HDAC9: variants seen among roughly 807,000 people sequenced by gnomAD.
The protein encoded by HDAC9 is histone deacetylase 9.
HDAC9 carries 41 observed loss-of-function variants against 139.4 expected under a neutral mutation model. That is an observed-to-expected ratio of 0.29 (90% CI 0.23 to 0.38). The LOEUF (loss-of-function observed/expected upper bound fraction) is 0.38. Ranked by LOEUF, HDAC9 falls within the 10% of genes least tolerant of loss-of-function variation. HDAC9 has a pLI of 1.00. For synonymous variants in HDAC9, 517 were observed against 476.2 expected, an observed-to-expected ratio of 1.09 and a Z score of -1.12; for missense variants, 1,147 against 1,297.0, an observed-to-expected ratio of 0.88 and a Z score of 1.78.
intron 12 of HDAC9, among the ~76,000 whole-genome samples, chr7:18,678,593 G>A (rs1424086242): frequency 6.6e-6 from 1 of 151,744 alleles, no homozygotes; most frequent in African/African-American, 2.4e-5. Flanking sequence ...ATCACATCCA[G>A]TAAATTTTTA....
intron 1 of HDAC9, among the ~76,000 whole-genome samples, chr7:18,411,028 C>T (rs1174485610): frequency 6.6e-6 from 1 of 152,180 alleles, no homozygotes; most frequent in Non-Finnish European, 1.5e-5. Context: ...TGAAAAGGTG[C>T]TAAGCTTCTC....
intron 2 of HDAC9, among the ~76,000 whole-genome samples, chr7:18,539,784 G>T (rs939569131): frequency 6.6e-6 from 1 of 151,982 alleles, no homozygotes; most frequent in African/African-American, 2.4e-5. Context: ...GATTTTAGGG[G>T]TGATGAGGCT....
At chr7:18,885,221 A>G (rs748551372) in intron 22 of HDAC9, among the ~76,000 whole-genome samples, 5 of 152,234 alleles carry the variant, frequency 3.3e-5, no homozygotes, top group Admixed American at 6.5e-5. Flanking sequence ...GGCCATCAGA[A>G]TTATCCCAGG....
At chr7:18,191,449 C>T (rs1193761385) in intron 2 of HDAC9, among the ~76,000 whole-genome samples, 3 of 152,212 alleles carry the variant, frequency 2.0e-5, no homozygotes, top group African/African-American at 7.2e-5. Context: ...TACACGGTTT[C>T]TCAATTCCTG....
At chr7:18,734,389 C>T (rs1318732946) in intron 13 of HDAC9, among the ~76,000 whole-genome samples, 4 of 152,114 alleles carry the variant, frequency 2.6e-5, no homozygotes, top group African/African-American at 9.7e-5. Flanking sequence ...AGCCCTCCAC[C>T]TCTAGACAGG....
chr7:18,609,024 T>G (rs1443698814), intron 6 of HDAC9, among the ~76,000 whole-genome samples: 1 of 152,176 alleles, frequency 6.6e-6, no homozygotes, highest in Non-Finnish European at 1.5e-5. Flanking sequence ...TTTTTTTGGT[T>G]GTAAGCCTTC....
intron 1 of HDAC9, among the ~76,000 whole-genome samples, chr7:18,306,743 A>G (rs2128619930): frequency 6.6e-6 from 1 of 152,294 alleles, no homozygotes; most frequent in Non-Finnish European, 1.5e-5. Flanking sequence ...AGATTTCTAC[A>G]GTTATTTCAA....
In HDAC9 at chr7:18,094,632, A is replaced by G. The variant is rs1379922669; in HGVS notation, c.-97+7419A>G. On this transcript the variant is annotated intron_variant, in intron 1 of 12. Transcript: ENST00000417496. Reference sequence around the variant, plus strand: ...AATTATTTATTGTTTATTTTTAAACATTTTTTGTGGAAGGGGTCTTGCTGT... The same window carrying G: ...AATTATTTATTGTTTATTTTTAAACGTTTTTTGTGGAAGGGGTCTTGCTGT... 3.3e-5 allele frequency among the ~76,000 whole-genome samples: 5 copies of G among 151,940 alleles called. No individual in the cohort carries two copies. The East Asian group carries it at 9.6e-4, about 29-fold the overall frequency.
At chr7:18,968,958 C>CAAAAAAAAAAAA (rs34379636) in intron 24 of HDAC9, among the ~76,000 whole-genome samples, 77 of 45,190 alleles carry the variant, frequency 1.7e-3, no homozygotes, top group African/African-American at 2.4e-3. Context: ...GCCTCCCTCT[C>CAAAAAAAAAAAA]AAAAAAAAAA....
intron 2 of HDAC9, among the ~76,000 whole-genome samples, chr7:18,213,294 C>A (rs185290737): frequency 6.6e-6 from 1 of 152,236 alleles, no homozygotes; most frequent in African/African-American, 2.4e-5. Flanking sequence ...ACCTCCCCCT[C>A]CATTTTTCTC....
chr7:18,567,106 C>T (rs1318858176), intron 2 of HDAC9, among the ~76,000 whole-genome samples: 1 of 152,156 alleles, frequency 6.6e-6, no homozygotes, highest in East Asian at 1.9e-4. Flanking sequence ...CAGACATGCC[C>T]AGTAGTTTTT....
intron 22 of HDAC9, among the ~76,000 whole-genome samples, chr7:18,890,488 T>C (rs1351485925): frequency 1.3e-5 from 2 of 152,214 alleles, no homozygotes; most frequent in Non-Finnish European, 2.9e-5. Context: ...GAGTCAGTTT[T>C]GATAGCCAAG....
chr7:18,891,930 C>A (rs1441045238), intron 22 of HDAC9, among the ~76,000 whole-genome samples: 1 of 151,850 alleles, frequency 6.6e-6, no homozygotes, highest in African/African-American at 2.4e-5. Context: ...TTGATGACAC[C>A]CATGTAGGTA....
rs11970952 is a variant in HDAC9 at position 18,688,074 on chromosome 7, T to C, written c.1731+21598T>C. On this transcript the variant is annotated intron_variant, in intron 12 of 25. Transcript: ENST00000686413. ...GAAAATTGAGCAAAATGACTATATA[T>C]ACACACACACACTTATATATGAGCT... Among the ~76,000 whole-genome samples the C allele has an allele frequency of 8.5e-3, 1,292 of 151,822 alleles. 24 individuals are homozygous for C. Among genetic ancestry groups the C allele is most frequent in the African/African-American group, 0.029 (1,193 of 41,500 alleles).
At chr7:18,761,172 C>G (rs755622273) in intron 14 of HDAC9, among the ~76,000 whole-genome samples, 1 of 152,210 alleles carries the variant, frequency 6.6e-6, no homozygotes, top group Admixed American at 6.5e-5. Flanking sequence ...TAATTAACTT[C>G]GTGCACCAGC....
chr7:18,865,915 G>C (rs185598832), intron 21 of HDAC9, among the ~76,000 whole-genome samples: 108 of 151,508 alleles, frequency 7.1e-4, no homozygotes, highest in African/African-American at 2.4e-3. Flanking sequence ...AGGTAGGCTT[G>C]GATTTTCACC....
intron 12 of HDAC9, among the ~76,000 whole-genome samples, chr7:18,713,661 A>G (rs1033110414): frequency 4.6e-5 from 7 of 152,076 alleles, no homozygotes; most frequent in African/African-American, 1.4e-4. Context: ...TTAGTAAATT[A>G]TAATAAAAAT....
At chr7:18,428,704 C>G (rs981387480) in intron 1 of HDAC9, among the ~76,000 whole-genome samples, 5 of 152,314 alleles carry the variant, frequency 3.3e-5, no homozygotes, top group East Asian at 1.9e-4. Flanking sequence ...TTTTAGAAGT[C>G]ATACCATGTC....
At chr7:18,295,827 C>A (rs1386084662) in intron 1 of HDAC9, among the ~76,000 whole-genome samples, 4 of 152,102 alleles carry the variant, frequency 2.6e-5, no homozygotes, top group Non-Finnish European at 4.4e-5. Flanking sequence ...ATGTAGGGGG[C>A]AGCATCTAGG....
Sources: gnomAD v4.1 joint callset for allele counts (sites outside exome capture counted in the v4.1 genomes callset) on GRCh38, gnomAD v4.1.1 for gene constraint, MANE v1.5 for transcripts, NCBI Gene and HGNC (gene_info 2026-07-23, HGNC 2026-07-21) for gene names.